The following CTF1 variants were observed in gnomAD, a reference collection of about 807,000 sequenced individuals.
CTF1 encodes cardiotrophin-1.
In CTF1, 9 loss-of-function variants were observed where a neutral mutation model predicts 10.9. The ratio of observed to expected loss-of-function variants is 0.83; its 90% confidence interval spans 0.50 to 1.44. CTF1 has a LOEUF of 1.44. CTF1 is among the 40% of genes most tolerant of loss of function. The probability of loss-of-function intolerance (pLI) is 0.00; values close to 1 mark genes in which losing one functional copy is unlikely to be tolerated. For missense variants in CTF1, 259 were observed against 275.3 expected (o/e 0.94, Z 0.42); for synonymous variants, 133 against 138.8 (o/e 0.96, Z 0.29).
At position 30,902,252 on chromosome 16, in the gene CTF1, C is replaced by A. The variant is rs727502950; in HGVS notation, c.319C>A (p.Arg107Ser). 6 of 1,106,898 alleles carry A rather than the reference C, an allele frequency of 5.4e-6. No homozygotes were observed. Among genetic ancestry groups the A allele is most frequent in the Non-Finnish European group, 6.6e-6 (6 of 910,394 alleles). The allele number at this position is 1,106,898 out of a possible 1,614,324, so 68.6% of individuals were successfully genotyped here. A position where few individuals can be genotyped will look rare whatever the true frequency, so the allele number is the denominator to read the frequency against. ...LPPLLDAVCR[R>S]QAELNPRAPR... is the part of the protein sequence containing the mutation. The stretch of plus-strand genomic sequence containing the variant: ...CCCGCTGCTGGACGCAGTGTGTCGC[C>A]GCCAGGCCGAGCTGAACCCGCGCGC... Residue 107 changes from arginine (R) to serine (S), a missense_variant, in exon 3 of 3, where the codon CGC (arginine) becomes AGC (serine). Arg to Ser is a moderately radical substitution (Grantham distance 110). Transcript: ENST00000279804.
Position 30,899,644 on chromosome 16 carries a change from G to C in CTF1, c.144+111G>C, listed in dbSNP as rs2055385030. On this transcript the variant is annotated intron_variant, in intron 2 of 2. Transcript: ENST00000279804. Reference sequence around the variant, plus strand: ...CCTCATTTTCCAACTGTGGAAATCAGGGCTCCTGAGAGGGACAGCAACTTG... The same window carrying C: ...CCTCATTTTCCAACTGTGGAAATCACGGCTCCTGAGAGGGACAGCAACTTG... 5.1e-5 allele frequency: 36 copies of C among 703,836 alleles called. No individual in the cohort carries two copies. In the South Asian group the frequency reaches 6.7e-4, roughly 13 times the overall value. 43.6% of individuals were successfully genotyped at this position (703,836 alleles called of 1,614,324 possible). A position where few individuals can be genotyped will look rare whatever the true frequency, so the allele number is the denominator to read the frequency against.
At chr16:30,899,369 T>A (rs1222600166) in intron 1 of CTF1, 46 bp from the exon 2 acceptor site, 1 of 1,158,368 alleles carries the variant, frequency 8.6e-7, no homozygotes, top group African/African-American at 1.5e-5. Flanking sequence ...AGGTGATCAA[T>A]GAGCAGGAGG....
Position 30,896,614 on chromosome 16 carries a change from GA to G in CTF1, c.-28del. 1 of 1,253,818 alleles carries G rather than the reference GA, an allele frequency of 8.0e-7. No individual in the cohort carries two copies. Among genetic ancestry groups the G allele is most frequent in the South Asian group, 3.8e-5 (1 of 26,514 alleles). 77.7% of individuals were successfully genotyped at this position (1,253,818 alleles called of 1,614,324 possible). A position where few individuals can be genotyped will look rare whatever the true frequency, so the allele number is the denominator to read the frequency against. ...TTCTCCCCCCTCGAAAGGGGGGCGT[GA>G]AGGGAGCCGGGATCAGCCAGGGGCC... On this transcript the variant is annotated 5_prime_UTR_variant, in exon 1 of 3. Transcript: ENST00000279804.
Position 30,899,551 on chromosome 16 carries a change from T to TGGGGGGG in CTF1, c.144+23_144+24insGGGGGGG. Reference sequence around the variant, plus strand: ...AGGAATATGTGAGTGGGAATGGGGGTGGGGGTGCCGGGGGCCTGGGGAATG... The same window carrying TGGGGGGG: ...AGGAATATGTGAGTGGGAATGGGGGTGGGGGGGGGGGGTGCCGGGGGCCTGGGGAATG... On this transcript the variant is annotated intron_variant, in intron 2 of 2. Transcript: ENST00000279804. 8.3e-5 allele frequency: 36 copies of TGGGGGGG among 434,922 alleles called. No individual in the cohort carries two copies. The highest frequency in any genetic ancestry group is 1.4e-4 in the East Asian group (3 of 21,778). 26.9% of individuals were successfully genotyped at this position (434,922 alleles called of 1,614,324 possible).
intron 2 of CTF1, 43 bp from the exon 3 acceptor site, chr16:30,902,035 C>A: frequency 7.1e-7 from 1 of 1,415,140 alleles, no homozygotes; most frequent in Non-Finnish European, 9.3e-7. Context: ...GCCCCCTGCC[C>A]GTGCTCCGGG....
Position 30,902,184 on chromosome 16 carries a change from A to G in CTF1, c.251A>G (p.His84Arg). 8.2e-7 allele frequency: 1 copy of G among 1,218,882 alleles called. No homozygotes were observed. The highest frequency in any genetic ancestry group is 1.0e-6 in the Non-Finnish European group (1 of 980,862). 75.5% of individuals were successfully genotyped at this position (1,218,882 alleles called of 1,614,324 possible). ...PAPSHAGLPVHERLRLDAAAL... is the reference protein window; with the variant it reads ...PAPSHAGLPVRERLRLDAAAL... The stretch of plus-strand genomic sequence containing the variant: ...CCGAGCCACGCGGGGCTGCCAGTGC[A>G]CGAGCGGCTGCGGCTGGACGCGGCG... The change falls in exon 3 of 3, where the codon CAC (histidine) becomes CGC (arginine). Residue 84 changes from histidine (H) to arginine (R), a missense_variant. Transcript: ENST00000279804.
Position 30,902,548 on chromosome 16 carries a change from G to T in CTF1, c.*9G>T, listed in dbSNP as rs766484224. The stretch of plus-strand genomic sequence containing the variant: ...CCGGGGGCTCGGCCTGAGCGCCGCG[G>T]GGCAGCTCGCCCCGCCTCCTCCCGC... On this transcript the variant is annotated 3_prime_UTR_variant, in exon 3 of 3. Transcript: ENST00000279804. The T allele has an allele frequency of 3.3e-6, 5 of 1,499,256 alleles. No individual in the cohort carries two copies. In the African/African-American group the frequency reaches 7.2e-5, roughly 22 times the overall value. 92.9% of individuals were successfully genotyped at this position (1,499,256 alleles called of 1,614,324 possible).
chr16:30,901,281 A>G (rs1018700278), intron 2 of CTF1, among the ~76,000 whole-genome samples: 1 of 152,118 alleles, frequency 6.6e-6, no homozygotes, highest in Non-Finnish European at 1.5e-5. Context: ...GAGGATAGGG[A>G]AGGGAATGAA....
chr16:30,900,811 G>A (rs1481163778), intron 2 of CTF1, among the ~76,000 whole-genome samples: 2 of 151,838 alleles, frequency 1.3e-5, no homozygotes, highest in African/African-American at 4.8e-5. Context: ...AACTAGCTTT[G>A]TACTGCTATG....
upstream of CTF1, chr16:30,896,514 G>T (rs2234710): frequency 6.2e-3 from 5,154 of 836,444 alleles, 25 homozygotes; most frequent in Non-Finnish European, 7.8e-3. Flanking sequence ...GTCTCAAAAG[G>T]GGGGGTAGGA....
upstream of CTF1, among the ~76,000 whole-genome samples, chr16:30,896,285 C>A (rs1407594187): frequency 6.6e-6 from 1 of 152,168 alleles, no homozygotes; most frequent in South Asian, 2.1e-4. Flanking sequence ...CCTGCCAGTC[C>A]GGCAGTTCCC....
At chr16:30,900,923 C>T (rs1342779003) in intron 2 of CTF1, among the ~76,000 whole-genome samples, 3 of 145,100 alleles carry the variant, frequency 2.1e-5, no homozygotes, top group African/African-American at 2.6e-5. Flanking sequence ...AATGGAGTTT[C>T]GCTCTTGTGG....
intron 1 of CTF1, among the ~76,000 whole-genome samples, chr16:30,898,906 G>A (rs1356422310): frequency 6.6e-6 from 1 of 152,134 alleles, no homozygotes; most frequent in South Asian, 2.1e-4. Context: ...CAATCCACCT[G>A]CCTTGGCCTC....
At chr16:30,901,648 T>C (rs563669343) in intron 2 of CTF1, among the ~76,000 whole-genome samples, 15 of 151,974 alleles carry the variant, frequency 9.9e-5, no homozygotes, top group African/African-American at 2.9e-4. Context: ...TCATAGCTCA[T>C]TGAAGCCTTG....
At chr16:30,901,101 C>T (rs2055397198) in intron 2 of CTF1, among the ~76,000 whole-genome samples, 1 of 152,136 alleles carries the variant, frequency 6.6e-6, no homozygotes, top group South Asian at 2.1e-4. Context: ...CCATGTTGGC[C>T]AGGTGGGTCT....
At chr16:30,898,257 G>A (rs1459347764) in intron 1 of CTF1, among the ~76,000 whole-genome samples, 2 of 151,812 alleles carry the variant, frequency 1.3e-5, no homozygotes, top group Non-Finnish European at 2.9e-5. Flanking sequence ...CTCCTCCCAG[G>A]TTCAAGCGAT....
chr16:30,896,650 C>CGGAG lies in CTF1; in HGVS notation c.15_18dup (p.Ser7GlyfsTer9). 1 of 1,252,570 alleles carries CGGAG rather than the reference C, an allele frequency of 8.0e-7. No individual in the cohort carries two copies. 77.6% of individuals were successfully genotyped at this position (1,252,570 alleles called of 1,614,324 possible). ...GGATCAGCCAGGGGCCAGCATGAGC[C>CGGAG]GGAGGGAGGGAAGTCTGGGTAAGGG... On this transcript the variant is annotated frameshift_variant, in exon 1 of 3. Transcript: ENST00000279804. LOFTEE classifies it high-confidence loss of function.
At position 30,902,459 on chromosome 16, in the gene CTF1, C is replaced by T. The variant is rs1339248960; in HGVS notation, c.526C>T (p.Arg176Cys). The T allele has an allele frequency of 2.0e-6, 3 of 1,472,688 alleles. No individual in the cohort carries two copies. Among genetic ancestry groups the T allele is most frequent in the Non-Finnish European group, 1.8e-6 (2 of 1,115,718 alleles). The allele number at this position is 1,472,688 out of a possible 1,614,324, so 91.2% of individuals were successfully genotyped here. ...CTTCCCCGCCAAGGTGCTGGGGCTCCGCGTTTGCGGCCTCTACCGCGAGTG... is the reference window on the plus strand; with the variant it reads ...CTTCCCCGCCAAGGTGCTGGGGCTCTGCGTTTGCGGCCTCTACCGCGAGTG... Reference protein sequence around the residue: ...GVFPAKVLGLRVCGLYREWLS... With the variant: ...GVFPAKVLGLCVCGLYREWLS... The change falls in exon 3 of 3, where the codon CGC becomes TGC. Residue 176 changes from arginine (R) to cysteine (C), a missense_variant. Arg to Cys is a radical substitution (Grantham distance 180). Transcript: ENST00000279804.
chr16:30,899,538 GTGGGAA>G lies in CTF1; in HGVS notation c.144+10_144+15del. 1 of 1,509,254 alleles carries G rather than the reference GTGGGAA, an allele frequency of 6.6e-7. No homozygotes were observed. Among genetic ancestry groups the G allele is most frequent in the Non-Finnish European group, 9.2e-7 (1 of 1,089,664 alleles). The allele number at this position is 1,509,254 out of a possible 1,614,324, so 93.5% of individuals were successfully genotyped here. A position where few individuals can be genotyped will look rare whatever the true frequency, so the allele number is the denominator to read the frequency against. On this transcript the variant is annotated splice_donor_region_variant and intron_variant, in intron 2 of 2. Transcript: ENST00000279804. ...GAGCAGCTGCTCCAGGAATATGTGA[GTGGGAA>G]TGGGGGTGGGGGTGCCGGGGGCCTG...
Sources: gnomAD v4.1 joint callset for allele counts (sites outside exome capture counted in the v4.1 genomes callset) on GRCh38, gnomAD v4.1.1 for gene constraint, MANE v1.5 for transcripts, NCBI Gene and HGNC (gene_info 2026-07-23, HGNC 2026-07-21) for gene names.